The following KHDRBS2 variants were observed in gnomAD, a reference collection of about 807,000 sequenced individuals.
KHDRBS2 encodes KH domain-containing, RNA-binding, signal transduction-associated protein 2.
Under a neutral mutation model 44.3 loss-of-function variants are expected in KHDRBS2, and 26 were observed. That is an observed-to-expected ratio of 0.59 (90% CI 0.43 to 0.81). The LOEUF (loss-of-function observed/expected upper bound fraction) is 0.81. Ranked by LOEUF, KHDRBS2 falls within the 40% of genes least tolerant of loss-of-function variation. The pLI is 0.00. For synonymous variants in KHDRBS2, 194 were observed against 151.1 expected (o/e 1.28, Z -2.08); for missense variants, 476 against 433.1 (o/e 1.10, Z -0.88).
chr6:61,659,580 T>C, the KHDRBS2 span, among the ~76,000 whole-genome samples: 1 of 151,824 alleles, frequency 6.6e-6, no homozygotes, highest in Non-Finnish European at 1.5e-5. Context: ...ATTAATATAG[T>C]AAAATTAATA....
chr6:62,057,789 T>A (rs946790314), intron 2 of KHDRBS2, among the ~76,000 whole-genome samples: 2 of 151,924 alleles, frequency 1.3e-5, no homozygotes, highest in African/African-American at 2.4e-5. Context: ...TTTGTATAAG[T>A]CAAATTCATT....
At chr6:62,241,605 A>T (rs1249471211) in intron 1 of KHDRBS2, among the ~76,000 whole-genome samples, 1 of 152,144 alleles carries the variant, frequency 6.6e-6, no homozygotes, top group Non-Finnish European at 1.5e-5. Flanking sequence ...ATAAGAGTTC[A>T]GGTCTAGACC....
intron 6 of KHDRBS2, among the ~76,000 whole-genome samples, chr6:61,860,023 T>C (rs1796691972): frequency 6.6e-6 from 1 of 151,772 alleles, no homozygotes; most frequent in Non-Finnish European, 1.5e-5. Flanking sequence ...TAATCAATGT[T>C]TGAGAATAAA....
chr6:61,771,173 A>C (rs1361986714), intron 6 of KHDRBS2, among the ~76,000 whole-genome samples: 1 of 151,624 alleles, frequency 6.6e-6, no homozygotes, highest in African/African-American at 2.4e-5. Context: ...CCCTAAAAGA[A>C]CTCCTGAAGG....
intron 2 of KHDRBS2, among the ~76,000 whole-genome samples, chr6:62,053,738 TCAAA>T (rs1364506837): frequency 2.3e-4 from 35 of 151,824 alleles, no homozygotes; most frequent in South Asian, 6.2e-4. Context: ...CACCAACGAC[TCAAA>T]CAATCTACTA....
At chr6:61,715,918 T>A (rs1771333062) in intron 7 of KHDRBS2, among the ~76,000 whole-genome samples, 1 of 151,898 alleles carries the variant, frequency 6.6e-6, no homozygotes, top group South Asian at 2.1e-4. Flanking sequence ...GTTGCCAGTA[T>A]CTAAAAATCA....
chr6:61,901,810 G>A (rs1012947623), intron 4 of KHDRBS2, among the ~76,000 whole-genome samples: 16 of 152,150 alleles, frequency 1.1e-4, no homozygotes, highest in African/African-American at 2.9e-4. Flanking sequence ...ACAAAAAAGA[G>A]CAATCCCAAG....
chr6:61,902,284 T>C (rs1804199921), intron 4 of KHDRBS2, among the ~76,000 whole-genome samples: 2 of 152,132 alleles, frequency 1.3e-5, no homozygotes, highest in African/African-American at 4.8e-5. Flanking sequence ...AAATTTTCTA[T>C]GAGTTCCAGT....
At chr6:62,241,294 G>A (rs1834628149) in intron 1 of KHDRBS2, among the ~76,000 whole-genome samples, 1 of 152,094 alleles carries the variant, frequency 6.6e-6, no homozygotes, top group African/African-American at 2.4e-5. Flanking sequence ...AAGGTGCTCT[G>A]CAAGAATTAA....
chr6:61,776,358 T>G (rs1365312852), intron 6 of KHDRBS2, among the ~76,000 whole-genome samples: 1 of 151,982 alleles, frequency 6.6e-6, no homozygotes, highest in East Asian at 1.9e-4. Context: ...ACAGGCAACC[T>G]ACAAAATGGG....
At chr6:61,616,969 CT>C in the KHDRBS2 span, among the ~76,000 whole-genome samples, 11 of 151,494 alleles carry the variant, frequency 7.3e-5, no homozygotes, top group East Asian at 1.9e-4. Flanking sequence ...TTATTGAGTA[CT>C]TTTTTTTTCT....
intron 3 of KHDRBS2, among the ~76,000 whole-genome samples, chr6:61,987,159 G>A (rs1775202643): frequency 6.6e-6 from 1 of 152,116 alleles, no homozygotes; most frequent in Non-Finnish European, 1.5e-5. Flanking sequence ...CACTATTTCA[G>A]CCTTCGAATT....
chr6:61,917,650 T>C (rs1583499272), intron 4 of KHDRBS2, among the ~76,000 whole-genome samples: 1 of 151,880 alleles, frequency 6.6e-6, no homozygotes, highest in East Asian at 1.9e-4. Context: ...TGAGAGACAA[T>C]GATGTGTCAA....
rs147757049 is a variant in KHDRBS2, at chr6:61,914,694, G to T, written c.484-13323C>A. On this transcript the variant is annotated intron_variant, in intron 4 of 8. Coordinates refer to ENST00000281156, the MANE Select transcript of KHDRBS2 (RefSeq NM_152688.4). The stretch of plus-strand genomic sequence containing the variant: ...TTTAAAAAGCATTTCTAAACAAAGA[G>T]ACTTCTTAAATTGGGAATATTTCAG... Among the ~76,000 whole-genome samples the T allele has an allele frequency of 4.8e-3, 733 of 152,194 alleles. 6 individuals carry two copies. The highest frequency in any genetic ancestry group is 0.017 in the African/African-American group (706 of 41,540).
At chr6:62,281,609 G>A (rs1314628209) in intron 1 of KHDRBS2, among the ~76,000 whole-genome samples, 9 of 152,094 alleles carry the variant, frequency 5.9e-5, no homozygotes, top group Non-Finnish European at 1.0e-4. Flanking sequence ...AACAGCGCAA[G>A]GCTCTGTCTC....
chr6:61,975,588 G>A (rs1772426931), intron 4 of KHDRBS2, among the ~76,000 whole-genome samples: 1 of 151,420 alleles, frequency 6.6e-6, no homozygotes, highest in Non-Finnish European at 1.5e-5. Flanking sequence ...AAAACATTGA[G>A]AGACATATCA....
the KHDRBS2 span, among the ~76,000 whole-genome samples, chr6:61,622,358 C>G: frequency 1.3e-5 from 2 of 152,152 alleles, no homozygotes; most frequent in Admixed American, 6.5e-5. Context: ...AGCATTAAAT[C>G]TCAGCATAAC....
chr6:62,261,855 C>T (rs777663279), intron 1 of KHDRBS2, among the ~76,000 whole-genome samples: 1 of 151,732 alleles, frequency 6.6e-6, no homozygotes, highest in Non-Finnish European at 1.5e-5. Context: ...TCTGACAACA[C>T]TTATGTAACA....
chr6:61,554,718 G>T, the KHDRBS2 span, among the ~76,000 whole-genome samples: 2 of 152,098 alleles, frequency 1.3e-5, no homozygotes, highest in Non-Finnish European at 2.9e-5. Context: ...AGCAAAATCC[G>T]ATAGCATTTA....
Sources: allele counts gnomAD v4.1 joint callset (sites outside exome capture counted in the v4.1 genomes callset), GRCh38; gene constraint gnomAD v4.1.1; transcripts MANE v1.5; gene names NCBI Gene and HGNC (gene_info 2026-07-23, HGNC 2026-07-21).